TSPAN15: variants seen among roughly 807,000 people sequenced by gnomAD.
The protein encoded by TSPAN15 is tetraspanin-15.
Under a neutral mutation model 34.5 loss-of-function variants are expected in TSPAN15, and 20 were observed. The observed-to-expected ratio is 0.58, with a 90% CI of 0.41 to 0.84. The LOEUF (loss-of-function observed/expected upper bound fraction) is 0.84, where lower values mean the gene tolerates loss of function less well. Ranked by LOEUF, TSPAN15 falls within the 40% of genes least tolerant of loss-of-function variation. TSPAN15 has a pLI of 0.00. For synonymous variants in TSPAN15, 155 were observed against 153.9 expected, an observed-to-expected ratio of 1.01 and a Z score of -0.05; for missense variants, 313 against 386.1, an observed-to-expected ratio of 0.81 and a Z score of 1.59.
At chr10:69,485,999 C>T (rs1212935490) in intron 3 of TSPAN15, among the ~76,000 whole-genome samples, 1 of 152,196 alleles carries the variant, frequency 6.6e-6, no homozygotes, top group South Asian at 2.1e-4. Context: ...GAAAGGTTCT[C>T]GTGGCTCCCG....
intron 1 of TSPAN15, among the ~76,000 whole-genome samples, chr10:69,477,518 G>C (rs981521383): frequency 6.6e-6 from 1 of 152,148 alleles, no homozygotes; most frequent in Non-Finnish European, 1.5e-5. Flanking sequence ...CCAAAATGTG[G>C]CCACCAGCTA....
intron 2 of TSPAN15, among the ~76,000 whole-genome samples, chr10:69,484,587 T>G (rs913001695): frequency 1.3e-5 from 2 of 152,226 alleles, no homozygotes; most frequent in Admixed American, 1.3e-4. Context: ...TACGATCCAC[T>G]GTAAACCGGG....
chr10:69,486,366 C>T (rs1841853752), intron 3 of TSPAN15, among the ~76,000 whole-genome samples: 1 of 152,212 alleles, frequency 6.6e-6, no homozygotes, highest in African/African-American at 2.4e-5. Context: ...ACAGCTTGGT[C>T]CTGGTGCATC....
chr10:69,512,086 A>T (rs1301946817), downstream of TSPAN15, among the ~76,000 whole-genome samples: 4 of 151,448 alleles, frequency 2.6e-5, no homozygotes, highest in African/African-American at 9.7e-5. Flanking sequence ...CTTAAAGTAT[A>T]AAAAAAAATG....
intron 1 of TSPAN15, among the ~76,000 whole-genome samples, chr10:69,461,347 G>C (rs1214788621): frequency 1.3e-5 from 2 of 152,210 alleles, no homozygotes; most frequent in East Asian, 3.8e-4. Context: ...ATTTGCATCT[G>C]GGCCTGCAGG....
chr10:69,535,051 G>A, the TSPAN15 span, among the ~76,000 whole-genome samples: 2 of 151,962 alleles, frequency 1.3e-5, no homozygotes, highest in South Asian at 2.1e-4. Flanking sequence ...GAACTGTTGA[G>A]GTATTTTATC....
chr10:69,517,254 A>G, the TSPAN15 span, among the ~76,000 whole-genome samples: 3 of 152,220 alleles, frequency 2.0e-5, no homozygotes, highest in Non-Finnish European at 4.4e-5. Context: ...CCCAGCCCCA[A>G]TATCCAGTGG....
At chr10:69,494,975 TC>T in intron 3 of TSPAN15, 1 of 679,694 alleles carries the variant, frequency 1.5e-6, no homozygotes, top group Non-Finnish European at 1.8e-6. Context: ...GCAGGGATTG[TC>T]CCAGCCCTAG....
intron 1 of TSPAN15, among the ~76,000 whole-genome samples, chr10:69,465,526 C>T (rs990540185): frequency 7.9e-5 from 12 of 152,220 alleles, no homozygotes; most frequent in East Asian, 1.9e-4. Context: ...TAACAGTTAA[C>T]GAGCCCTTCT....
intron 3 of TSPAN15, among the ~76,000 whole-genome samples, chr10:69,489,105 T>TC (rs752590501): frequency 9.2e-5 from 14 of 152,038 alleles, no homozygotes; most frequent in Non-Finnish European, 1.3e-4. Flanking sequence ...TTTATAGACC[T>TC]CCCCCTAGGA....
At chr10:69,539,469 G>GAA in the TSPAN15 span, among the ~76,000 whole-genome samples, 1,857 of 58,082 alleles carry the variant, frequency 0.032, 36 homozygotes, top group Non-Finnish European at 0.041. Context: ...AGAAGGAGAA[G>GAA]GAGAAGGAGA....
the TSPAN15 span, among the ~76,000 whole-genome samples, chr10:69,517,690 C>T: frequency 2.5e-4 from 38 of 152,280 alleles, no homozygotes; most frequent in Non-Finnish European, 3.7e-4. Flanking sequence ...CGGAGGGGAA[C>T]GGGCCTGTGG....
chr10:69,474,956 G>C (rs563993959), intron 1 of TSPAN15, among the ~76,000 whole-genome samples: 1 of 152,260 alleles, frequency 6.6e-6, no homozygotes, highest in South Asian at 2.1e-4. Context: ...GGGGGGCCTG[G>C]CCGGAGGTCC....
At chr10:69,545,726 G>T in the TSPAN15 span, among the ~76,000 whole-genome samples, 1 of 152,172 alleles carries the variant, frequency 6.6e-6, no homozygotes, top group Non-Finnish European at 1.5e-5. Context: ...GGAGGCGGAG[G>T]CAGGCGAATC....
the TSPAN15 span, among the ~76,000 whole-genome samples, chr10:69,548,409 C>A: frequency 1.3e-5 from 2 of 152,138 alleles, no homozygotes; most frequent in Non-Finnish European, 2.9e-5. Flanking sequence ...TAAGGGAAGC[C>A]CTATAATTGA....
intron 5 of TSPAN15, among the ~76,000 whole-genome samples, chr10:69,499,788 A>G (rs1344769224): frequency 6.6e-6 from 1 of 152,168 alleles, no homozygotes; most frequent in Non-Finnish European, 1.5e-5. Context: ...CTCTGAAGAA[A>G]GTGAGGAAGG....
chr10:69,539,775 T>C, the TSPAN15 span, among the ~76,000 whole-genome samples: 4 of 152,024 alleles, frequency 2.6e-5, no homozygotes, highest in Non-Finnish European at 5.9e-5. Flanking sequence ...TCAAGACCAA[T>C]ACAGCTGCTC....
chr10:69,530,816 C>CTATATATATATA, the TSPAN15 span, among the ~76,000 whole-genome samples: 1 of 52,432 alleles, frequency 1.9e-5, no homozygotes, highest in Non-Finnish European at 3.7e-5. Context: ...CTCTCTCTCT[C>CTATATATATATA]TCTCTATATA....
intron 1 of TSPAN15, among the ~76,000 whole-genome samples, chr10:69,479,773 G>A (rs903901064): frequency 6.6e-6 from 1 of 152,218 alleles, no homozygotes; most frequent in African/African-American, 2.4e-5. Flanking sequence ...CTCTCCCCAT[G>A]CCCGCTGCTC....
Sources: allele counts gnomAD v4.1 joint callset (sites outside exome capture counted in the v4.1 genomes callset), GRCh38; gene constraint gnomAD v4.1.1; transcripts MANE v1.5; gene names NCBI Gene and HGNC (gene_info 2026-07-23, HGNC 2026-07-21).